Variants in UGT2B4 observed in about 807,000 individuals in gnomAD.
UGT2B4 encodes UDP-glucuronosyltransferase 2B4.
In UGT2B4, 49 loss-of-function variants were observed where a neutral mutation model predicts 49.8. The observed-to-expected ratio is 0.98, with a 90% CI of 0.78 to 1.25. UGT2B4 has a LOEUF of 1.25. Among genes scored for constraint, UGT2B4 ranks in the 50% most tolerant of loss-of-function variants. UGT2B4 has a pLI of 0.00. For missense variants in UGT2B4, 729 were observed against 627.7 expected (o/e 1.16, Z -1.73); for synonymous variants, 246 against 217.7 (o/e 1.13, Z -1.14).
rs191338894 is a variant in UGT2B4 at position 69,483,618 on chromosome 4, C to G, written c.1310+1590G>C. Among the ~76,000 whole-genome samples, 13 of 151,984 alleles carry G rather than the reference C, an allele frequency of 8.6e-5. No individual in the cohort carries two copies. The East Asian group carries it at 1.2e-3, about 14-fold the overall frequency. On this transcript the variant is annotated intron_variant, in intron 5 of 5. Coordinates refer to ENST00000305107, the MANE Select transcript of UGT2B4 (RefSeq NM_021139.3). Reference sequence around the variant, plus strand: ...CTGTATTCTTTAAAGGTAGCTTTATCATTCATTATCCTTCTATTTTCTTTG... The same window carrying G: ...CTGTATTCTTTAAAGGTAGCTTTATGATTCATTATCCTTCTATTTTCTTTG...
chr4:69,522,920 T>G (rs1307171105), intron 1 of UGT2B4, among the ~76,000 whole-genome samples: 3 of 152,168 alleles, frequency 2.0e-5, no homozygotes, highest in Non-Finnish European at 4.4e-5. Flanking sequence ...TCAGACCATT[T>G]TCACCAGGAG....
At chr4:69,519,778 A>T (rs1728805848) in intron 1 of UGT2B4, among the ~76,000 whole-genome samples, 2 of 152,242 alleles carry the variant, frequency 1.3e-5, no homozygotes, top group Non-Finnish European at 2.9e-5. Context: ...GACAGAACTC[A>T]AAGTAATTCC....
At chr4:69,493,862 A>G (rs1479450399) in intron 1 of UGT2B4, 21 bp from the exon 2 acceptor site, 5 of 1,584,670 alleles carry the variant, frequency 3.2e-6, no homozygotes, top group Non-Finnish European at 4.3e-6. Flanking sequence ...AAAAAAAAAG[A>G]AAAGATAGAT....
chr4:69,491,651 C>G (rs1049123154), intron 2 of UGT2B4, among the ~76,000 whole-genome samples: 2 of 152,110 alleles, frequency 1.3e-5, no homozygotes, highest in African/African-American at 4.8e-5. Flanking sequence ...TTAGTAACAA[C>G]AGCTAGTATT....
intron 1 of UGT2B4, among the ~76,000 whole-genome samples, chr4:69,503,169 T>G (rs561094899): frequency 2.6e-5 from 4 of 152,298 alleles, no homozygotes; most frequent in African/African-American, 9.6e-5. Flanking sequence ...TTCCGGGCAA[T>G]TCTGCACATC....
In UGT2B4 at chr4:69,495,551, G is replaced by T; in HGVS notation, c.311C>A (p.Thr104Lys). 1 of 1,613,528 alleles carries T rather than the reference G, an allele frequency of 6.2e-7. No homozygotes were observed. The highest frequency in any genetic ancestry group is 8.5e-7 in the Non-Finnish European group (1 of 1,179,736). Reference protein sequence around the residue: ...VKRWAELPKDTFWSYFSQVQE... With the variant: ...VKRWAELPKDKFWSYFSQVQE... ...TACTTGTGAAAAATATGACCAAAAT[G>T]TGTCTTTTGGAAGTTCTGCCCATCT... Residue 104 changes from threonine (T) to lysine (K), a missense_variant, in exon 1 of 6, where the codon ACA becomes AAA. Transcript: ENST00000305107.
intron 2 of UGT2B4, among the ~76,000 whole-genome samples, chr4:69,492,088 T>C (rs1728003988): frequency 6.6e-6 from 1 of 152,058 alleles, no homozygotes; most frequent in Admixed American, 6.6e-5. Flanking sequence ...ACAGAATTCT[T>C]TTATTATTGT....
intron 1 of UGT2B4, among the ~76,000 whole-genome samples, chr4:69,514,428 C>T (rs1235727998): frequency 1.3e-5 from 2 of 152,164 alleles, no homozygotes; most frequent in Non-Finnish European, 2.9e-5. Flanking sequence ...GACTTCCTCT[C>T]TTCCTATTGG....
chr4:69,492,584 G>A (rs1728022547), intron 2 of UGT2B4, among the ~76,000 whole-genome samples: 1 of 151,978 alleles, frequency 6.6e-6, no homozygotes, highest in South Asian at 2.1e-4. Flanking sequence ...TTGAAATGCT[G>A]AATAATTAGT....
intron 2 of UGT2B4, among the ~76,000 whole-genome samples, chr4:69,492,271 T>C (rs1160700282): frequency 6.6e-6 from 1 of 152,056 alleles, no homozygotes; most frequent in Non-Finnish European, 1.5e-5. Context: ...CCTGCTCTAA[T>C]AGGGTATGTT....
intron 2 of UGT2B4, among the ~76,000 whole-genome samples, chr4:69,490,526 A>T (rs1324129768): frequency 2.0e-5 from 3 of 152,142 alleles, no homozygotes; most frequent in Non-Finnish European, 4.4e-5. Flanking sequence ...GTGAAGATGT[A>T]CTTGGCTGGA....
At chr4:69,481,047 G>A in intron 5 of UGT2B4, 137 bp from the exon 6 acceptor site, 1 of 571,930 alleles carries the variant, frequency 1.7e-6, no homozygotes, top group Admixed American at 4.4e-5. Context: ...GACCATCCTG[G>A]CTAACACGGT....
intron 1 of UGT2B4, among the ~76,000 whole-genome samples, chr4:69,509,903 T>TC (rs1728566282): frequency 6.6e-6 from 1 of 152,148 alleles, no homozygotes; most frequent in Non-Finnish European, 1.5e-5. Flanking sequence ...TCTGTGCTTT[T>TC]CAGATCATAT....
chr4:69,485,784 C>G (rs6848208), intron 4 of UGT2B4, among the ~76,000 whole-genome samples: 1 of 152,206 alleles, frequency 6.6e-6, no homozygotes, highest in Admixed American at 6.5e-5. Flanking sequence ...TTAATGGAGA[C>G]GGAGTCTCCC....
intron 1 of UGT2B4, among the ~76,000 whole-genome samples, chr4:69,502,088 T>C (rs1465011662): frequency 7.5e-5 from 2 of 26,808 alleles, no homozygotes; most frequent in Non-Finnish European, 1.5e-4. Context: ...TCTTTCTTTC[T>C]CTCTCTTTCT....
At chr4:69,485,509 G>A (rs560693188) in intron 4 of UGT2B4, 82 bp from the exon 5 acceptor site, 1 of 1,564,808 alleles carries the variant, frequency 6.4e-7, no homozygotes, top group East Asian at 2.2e-5. Flanking sequence ...ATGTGACGGT[G>A]TTTCCTAGAT....
At chr4:69,484,029 A>G (rs1727691683) in intron 5 of UGT2B4, among the ~76,000 whole-genome samples, 1 of 152,206 alleles carries the variant, frequency 6.6e-6, no homozygotes, top group East Asian at 1.9e-4. Flanking sequence ...ATGTATATGC[A>G]TGGTCAGTAA....
chr4:69,493,903 T>G, intron 1 of UGT2B4, 62 bp from the exon 2 acceptor site: 3 of 1,538,204 alleles, frequency 2.0e-6, no homozygotes, highest in South Asian at 1.3e-5. Context: ...GGTAATTTTC[T>G]GAAAGAAGTT....
intron 1 of UGT2B4, among the ~76,000 whole-genome samples, chr4:69,521,353 C>A (rs1728845166): frequency 1.3e-5 from 2 of 152,194 alleles, no homozygotes; most frequent in Admixed American, 1.3e-4. Context: ...AGGGACGTGA[C>A]AACCTCTTTG....
Sources: allele counts gnomAD v4.1 joint callset (sites outside exome capture counted in the v4.1 genomes callset), GRCh38; gene constraint gnomAD v4.1.1; transcripts MANE v1.5; gene names NCBI Gene and HGNC (gene_info 2026-07-23, HGNC 2026-07-21).